The following SRSF12 variants were observed in gnomAD, a reference collection of about 807,000 sequenced individuals.
The protein encoded by SRSF12 is serine and arginine rich splicing factor 12.
In SRSF12, 21 loss-of-function variants were observed where a neutral mutation model predicts 34.1. That is an observed-to-expected ratio of 0.62 (90% CI 0.44 to 0.89). The LOEUF (loss-of-function observed/expected upper bound fraction) is 0.89. Among genes scored for constraint, SRSF12 ranks in the 40% least tolerant of loss-of-function variants. The pLI, the probability that SRSF12 is intolerant of heterozygous loss-of-function variation, is 0.00. For synonymous variants in SRSF12, 111 were observed against 110.8 expected, an observed-to-expected ratio of 1.00 and a Z score of -0.01; for missense variants, 278 against 327.8, an observed-to-expected ratio of 0.85 and a Z score of 1.17.
intron 4 of SRSF12, among the ~76,000 whole-genome samples, chr6:89,104,380 G>A (rs1299999811): frequency 6.6e-6 from 1 of 151,860 alleles, no homozygotes. Flanking sequence ...GGGATTACAG[G>A]TGCGTGGCTA....
Position 89,107,225 on chromosome 6 carries a change from A to G in SRSF12, c.99T>C (p.Tyr33=), listed in dbSNP as rs747373958. The change falls in exon 2 of 5, where the codon TAT becomes TAC. Residue 33 remains tyrosine, a synonymous_variant. Transcript: ENST00000452027. ...PEDLRREFGR[Y]GPIVDVYIPL... ...GAATGTAAACGTCTACTATAGGGCC[A>G]TATCGACCAAACTCACGGCGCAAGT... The G allele has an allele frequency of 1.2e-6, 2 of 1,614,146 alleles. No homozygotes were observed. Among genetic ancestry groups the G allele is most frequent in the Non-Finnish European group, 1.7e-6 (2 of 1,180,030 alleles).
Position 89,118,039 on chromosome 6 carries a change from C to G in SRSF12, c.-152G>C. ...CCCGCCAGCGCGCAGCCGCAGAGGC[C>G]GGCGCAGAGGGGGCGCAGCGCGGCG... On this transcript the variant is annotated 5_prime_UTR_variant, in exon 1 of 5. Coordinates refer to ENST00000452027, the MANE Select transcript of SRSF12 (RefSeq NM_080743.5). 1 of 640,476 alleles carries G rather than the reference C, an allele frequency of 1.6e-6. No homozygotes were observed. Among genetic ancestry groups the G allele is most frequent in the Non-Finnish European group, 2.3e-6 (1 of 436,082 alleles). The allele number at this position is 640,476 out of a possible 1,614,324, so 39.7% of individuals were successfully genotyped here.
rs1349156096 is a variant in SRSF12 at position 89,096,470 on chromosome 6, G to A, written c.*2108C>T. 1 of 152,190 alleles carries A rather than the reference G, an allele frequency of 6.6e-6. No homozygotes were observed. The highest frequency in any genetic ancestry group is 2.4e-5 in the African/African-American group (1 of 41,450). The allele number at this position is 152,190 out of a possible 1,614,324, so 9.4% of individuals were successfully genotyped here. A position where few individuals can be genotyped will look rare whatever the true frequency, so the allele number is the denominator to read the frequency against. ...AAGCATGTACTAAATGCTCAAAAGAGTTTGAGCTATTATCATTCCAGCTTT... is the reference window on the plus strand; with the variant it reads ...AAGCATGTACTAAATGCTCAAAAGAATTTGAGCTATTATCATTCCAGCTTT... On this transcript the variant is annotated 3_prime_UTR_variant, in exon 5 of 5. Coordinates refer to ENST00000452027, the MANE Select transcript of SRSF12 (RefSeq NM_080743.5).
chr6:89,102,517 TATTAA>T (rs1768584239), intron 4 of SRSF12, among the ~76,000 whole-genome samples: 1 of 152,070 alleles, frequency 6.6e-6, no homozygotes, highest in African/African-American at 2.4e-5. Flanking sequence ...TTTTAGAAAT[TATTAA>T]ATTTCATTCA....
intron 1 of SRSF12, among the ~76,000 whole-genome samples, chr6:89,110,394 G>A (rs978375794): frequency 2.0e-5 from 3 of 152,144 alleles, no homozygotes; most frequent in Non-Finnish European, 1.5e-5. Flanking sequence ...TTTCCCACTG[G>A]TTACTCGGTT....
chr6:89,105,035 GA>G, intron 4 of SRSF12, 83 bp downstream of exon 4: 1 of 1,356,658 alleles, frequency 7.4e-7, no homozygotes, highest in Non-Finnish European at 9.8e-7. Context: ...TCCAGCCTGG[GA>G]AACAATGAGA....
At chr6:89,111,175 C>T (rs1011505319) in intron 1 of SRSF12, among the ~76,000 whole-genome samples, 1 of 150,402 alleles carries the variant, frequency 6.6e-6, no homozygotes, top group East Asian at 2.0e-4. Context: ...GTGGCACAAT[C>T]TCGGGTCACT....
rs1012074492 is a variant in SRSF12, at chr6:89,096,631, T to A, written c.*1947A>T. The A allele has an allele frequency of 6.6e-6, 1 of 152,074 alleles. No homozygotes were observed. The highest frequency in any genetic ancestry group is 1.5e-5 in the Non-Finnish European group (1 of 68,026). 9.4% of individuals were successfully genotyped at this position (152,074 alleles called of 1,614,324 possible). The stretch of plus-strand genomic sequence containing the variant: ...TACAGAGTAAAGATACTATAATCAA[T>A]CCCTAGTTATTATTTTTCACAATGG... On this transcript the variant is annotated 3_prime_UTR_variant, in exon 5 of 5. Coordinates refer to ENST00000452027, the MANE Select transcript of SRSF12 (RefSeq NM_080743.5).
intron 2 of SRSF12, 67 bp downstream of exon 2, chr6:89,107,087 T>C: frequency 7.6e-7 from 1 of 1,316,056 alleles, no homozygotes; most frequent in South Asian, 1.2e-5. Context: ...CATATGCTAC[T>C]GAATACATAT....
intron 1 of SRSF12, among the ~76,000 whole-genome samples, chr6:89,117,612 T>A (rs2297310): frequency 6.6e-6 from 1 of 151,866 alleles, no homozygotes; most frequent in Non-Finnish European, 1.5e-5. Flanking sequence ...GCGCCGGGGC[T>A]GAAAGCTGGC....
chr6:89,112,443 C>CTTTTTTTTTTT (rs1562207345), intron 1 of SRSF12, among the ~76,000 whole-genome samples: 1 of 140,478 alleles, frequency 7.1e-6, no homozygotes, highest in Non-Finnish European at 1.6e-5. Context: ...ATTTTCTTTT[C>CTTTTTTTTTTT]TTTCTTTTTT....
intron 4 of SRSF12, among the ~76,000 whole-genome samples, chr6:89,102,231 T>C (rs1343949452): frequency 6.6e-6 from 1 of 151,770 alleles, no homozygotes; most frequent in Non-Finnish European, 1.5e-5. Flanking sequence ...GCAACCTCTG[T>C]CTCCCGGGTT....
At chr6:89,104,544 AT>A (rs747020803) in intron 4 of SRSF12, among the ~76,000 whole-genome samples, 8 of 150,644 alleles carry the variant, frequency 5.3e-5, no homozygotes, top group African/African-American at 1.2e-4. Flanking sequence ...CTGAGTATGT[AT>A]TTTTTTTTAC....
chr6:89,104,695 C>G (rs764798698), intron 4 of SRSF12, among the ~76,000 whole-genome samples: 4 of 151,912 alleles, frequency 2.6e-5, no homozygotes, highest in Non-Finnish European at 5.9e-5. Context: ...TATCTTTTAA[C>G]AAAAATTGAT....
intron 1 of SRSF12, 83 bp downstream of exon 1, chr6:89,117,740 C>CGCCGGGCCTCG (rs1321492995): frequency 7.3e-7 from 1 of 1,363,756 alleles, no homozygotes; most frequent in Non-Finnish European, 9.6e-7. Flanking sequence ...CCCGAGCCTC[C>CGCCGGGCCTCG]GCCGGGCCTC....
intron 1 of SRSF12, among the ~76,000 whole-genome samples, chr6:89,115,647 T>TTTTTTTTTTTC (rs1769258682): frequency 7.8e-6 from 1 of 128,952 alleles, no homozygotes; most frequent in African/African-American, 2.8e-5. Flanking sequence ...TTTTTTTTTT[T>TTTTTTTTTTTC]TTTTTTGAGA....
intron 4 of SRSF12, among the ~76,000 whole-genome samples, chr6:89,100,780 A>G (rs1768504165): frequency 6.6e-6 from 1 of 152,208 alleles, no homozygotes; most frequent in Non-Finnish European, 1.5e-5. Flanking sequence ...AAGTCATTAG[A>G]TGGTCTTAAC....
rs879068362 is a variant in SRSF12 at position 89,098,485 on chromosome 6, G to T, written c.*93C>A. 7.7e-6 allele frequency: 11 copies of T among 1,424,180 alleles called. No individual in the cohort carries two copies. Among genetic ancestry groups the T allele is most frequent in the African/African-American group, 1.4e-5 (1 of 69,440 alleles). 88.2% of individuals were successfully genotyped at this position (1,424,180 alleles called of 1,614,324 possible). ...TGCCCAAAGTAACTAATATCAACTC[G>T]CATTTTCTGTATGCCTTAAAGAATT... On this transcript the variant is annotated 3_prime_UTR_variant, in exon 5 of 5. Coordinates refer to ENST00000452027, the MANE Select transcript of SRSF12 (RefSeq NM_080743.5).
At position 89,098,561 on chromosome 6, in the gene SRSF12, G is replaced by GCT. The variant is rs1228068367; in HGVS notation, c.*15_*16dup. ...TAACTTATATTAAAGACGGCGTGGT[G>GCT]CTCTTTCTGTTGCTGTTCACCAACT... is the stretch of plus-strand genomic sequence containing the variant. On this transcript the variant is annotated 3_prime_UTR_variant, in exon 5 of 5. Transcript: ENST00000452027. 7 of 1,592,392 alleles carry GCT rather than the reference G, an allele frequency of 4.4e-6. No individual in the cohort carries two copies. The highest frequency in any genetic ancestry group is 1.3e-5 in the African/African-American group (1 of 74,194).
Sources: gnomAD v4.1 joint callset for allele counts (sites outside exome capture counted in the v4.1 genomes callset) on GRCh38, gnomAD v4.1.1 for gene constraint, MANE v1.5 for transcripts, NCBI Gene and HGNC (gene_info 2026-07-23, HGNC 2026-07-21) for gene names.